UNC13B: variants seen among roughly 807,000 people sequenced by gnomAD.
UNC13B encodes the protein protein unc-13 homolog B.
UNC13B carries 144 observed loss-of-function variants against 211.0 expected under a neutral mutation model. The observed-to-expected ratio is 0.68, with a 90% CI of 0.60 to 0.78. The LOEUF is 0.78. Ranked by LOEUF, UNC13B falls within the 30% of genes least tolerant of loss-of-function variation. The probability of loss-of-function intolerance (pLI) is 0.00; values close to 1 mark genes in which losing one functional copy is unlikely to be tolerated. For synonymous variants in UNC13B, 709 were observed against 725.8 expected (o/e 0.98, Z 0.37); for missense variants, 1,777 against 2,002.0 (o/e 0.89, Z 2.14).
rs190262010 is a variant in UNC13B, at chr9:35,262,132, C to T, written c.526+3082C>T. Among the ~76,000 whole-genome samples, 194 of 152,256 alleles carry T rather than the reference C, an allele frequency of 1.3e-3. 1 individual carries two copies. The highest frequency in any genetic ancestry group is 2.0e-3 in the Admixed American group (31 of 15,290). ...GATATACTTTCATAGCCTTCCCCCGCCATGATCTAATCAATAACCATACAT... is the reference window on the plus strand; with the variant it reads ...GATATACTTTCATAGCCTTCCCCCGTCATGATCTAATCAATAACCATACAT... On this transcript the variant is annotated intron_variant, in intron 7 of 39. Coordinates refer to ENST00000635942, the MANE Select transcript of UNC13B (RefSeq NM_001371189.2).
rs1452315080 is a variant in UNC13B at position 35,399,652 on chromosome 9, C to T, written c.12259C>T (p.His4087Tyr). 6.2e-7 allele frequency: 1 copy of T among 1,614,134 alleles called. No homozygotes were observed. The highest frequency in any genetic ancestry group is 1.1e-5 in the South Asian group (1 of 91,076). Residue 4087 changes from histidine (H) to tyrosine (Y), a missense_variant, in exon 36 of 40, where the codon CAC (histidine) becomes TAC (tyrosine). His to Tyr is a moderately conservative substitution (Grantham distance 83). Coordinates refer to ENST00000635942, the MANE Select transcript of UNC13B (RefSeq NM_001371189.2). ...TGCTGCTGATTTCTCTGAACAGGAT[C>T]ACATGGTACGAGAGGAAACACGGAA... ...ELSHLSKLKD[H>Y]MVREETRNLT...
Position 35,366,965 on chromosome 9 carries a change from C to T in UNC13B, c.9433C>T (p.Pro3145Ser). ...QLQEIPDDGD[P>S]SLPQWLPEGP... Reference sequence around the variant, plus strand: ...TTTAAAGATTCCAGATGATGGTGACCCCTCTCTGCCTCAGTGGCTCCCGGA... The same window carrying T: ...TTTAAAGATTCCAGATGATGGTGACTCCTCTCTGCCTCAGTGGCTCCCGGA... Residue 3145 changes from proline to serine, a missense_variant, in exon 12 of 40, where the codon CCC (proline) becomes TCC (serine). Transcript: ENST00000635942. The T allele has an allele frequency of 3.1e-6, 5 of 1,613,902 alleles. No individual in the cohort carries two copies. The highest frequency in any genetic ancestry group is 4.2e-6 in the Non-Finnish European group (5 of 1,179,818).
chr9:35,251,013 A>G (rs1395768992), intron 6 of UNC13B, among the ~76,000 whole-genome samples: 16 of 118,120 alleles, frequency 1.4e-4, no homozygotes, highest in Non-Finnish European at 2.4e-4. Context: ...CCCAGGCTGG[A>G]GTGCAGTGGC....
Position 35,295,045 on chromosome 9 carries a change from G to A in UNC13B, c.527-651G>A, listed in dbSNP as rs1025595102. On this transcript the variant is annotated intron_variant, in intron 7 of 39. Coordinates refer to ENST00000635942, the MANE Select transcript of UNC13B (RefSeq NM_001371189.2). ...TCTGGATGGGAATTCTGAGCCTAGG[G>A]TGTAGGTGCTTGACAGGAATTGTTA... 2.8e-4 allele frequency among the ~76,000 whole-genome samples: 43 copies of A among 152,126 alleles called. 1 individual carries two copies. Among genetic ancestry groups the A allele is most frequent in the Admixed American group, 2.4e-3 (37 of 15,276 alleles).
chr9:35,246,917 G>A (rs1237453835), intron 6 of UNC13B, among the ~76,000 whole-genome samples: 2 of 152,082 alleles, frequency 1.3e-5, no homozygotes, highest in East Asian at 3.9e-4. Context: ...TGGGGGGATG[G>A]CATTGAATCT....
chr9:35,286,138 T>A (rs560387560), intron 7 of UNC13B, among the ~76,000 whole-genome samples: 6 of 152,214 alleles, frequency 3.9e-5, no homozygotes, highest in African/African-American at 1.4e-4. Flanking sequence ...ATACTAGGAA[T>A]GTCTGTTGTT....
chr9:35,265,949 C>A (rs764453414), intron 7 of UNC13B, among the ~76,000 whole-genome samples: 16 of 152,072 alleles, frequency 1.1e-4, no homozygotes, highest in Admixed American at 1.0e-3. Context: ...CCTCAGCCTC[C>A]GAGTAGCTGG....
Position 35,305,199 on chromosome 9 carries a change from C to T in UNC13B, c.5795C>T (p.Thr1932Ile), listed in dbSNP as rs897907419. 1 of 398,844 alleles carries T rather than the reference C, an allele frequency of 2.5e-6. No homozygotes were observed. The highest frequency in any genetic ancestry group is 4.4e-6 in the Non-Finnish European group (1 of 225,964). 24.7% of individuals were successfully genotyped at this position (398,844 alleles called of 1,614,324 possible). A position where few individuals can be genotyped will look rare whatever the true frequency, so the allele number is the denominator to read the frequency against. ...FSQEESSVSMTANEKQSSGFL... is the reference protein window; with the variant it reads ...FSQEESSVSMIANEKQSSGFL... Reference sequence around the variant, plus strand: ...CAAGAAGAATCGTCAGTTAGTATGACAGCAAATGAAAAACAGTCATCTGGA... The same window carrying T: ...CAAGAAGAATCGTCAGTTAGTATGATAGCAAATGAAAAACAGTCATCTGGA... Residue 1932 changes from threonine to isoleucine, a missense_variant, in exon 9 of 40, where the codon ACA becomes ATA. Thr to Ile is a moderately conservative substitution (Grantham distance 89, BLOSUM62 -1). Transcript: ENST00000635942.
chr9:35,362,959 AG>A (rs1419623757), intron 11 of UNC13B, among the ~76,000 whole-genome samples: 7 of 152,216 alleles, frequency 4.6e-5, no homozygotes, highest in Non-Finnish European at 8.8e-5. Flanking sequence ...GGTGGGCATC[AG>A]AGAAGGCTTC....
intron 7 of UNC13B, among the ~76,000 whole-genome samples, chr9:35,278,723 C>A (rs1339148982): frequency 6.6e-6 from 1 of 151,822 alleles, no homozygotes; most frequent in Non-Finnish European, 1.5e-5. Flanking sequence ...ATATTTTCCC[C>A]ATTTTATTTT....
intron 24 of UNC13B, among the ~76,000 whole-genome samples, chr9:35,387,818 T>C (rs1835280021): frequency 6.6e-6 from 1 of 152,186 alleles, no homozygotes; most frequent in South Asian, 2.1e-4. Flanking sequence ...CATGGTTTAG[T>C]GGAGGTCAGG....
chr9:35,190,549 T>TC (rs370371555), intron 1 of UNC13B, among the ~76,000 whole-genome samples: 9 of 151,644 alleles, frequency 5.9e-5, no homozygotes, highest in Non-Finnish European at 1.0e-4. Context: ...TTTTTTTTCT[T>TC]CCCCCCCTCC....
At chr9:35,397,831 A>T (rs1038501434) in intron 30 of UNC13B, 119 bp downstream of exon 30, 1 of 1,066,248 alleles carries the variant, frequency 9.4e-7, no homozygotes, top group Non-Finnish European at 1.4e-6. Context: ...GATTCCCACC[A>T]TGGCTTTGCT....
Position 35,231,324 on chromosome 9 carries a change from A to T in UNC13B, c.152+105A>T, listed in dbSNP as rs560979834. The T allele has an allele frequency of 1.2e-3, 891 of 757,208 alleles. 22 individuals carry two copies. The Admixed American group carries it at 0.017, about 14-fold the overall frequency. The allele number at this position is 757,208 out of a possible 1,614,324, so 46.9% of individuals were successfully genotyped here. A position where few individuals can be genotyped will look rare whatever the true frequency, so the allele number is the denominator to read the frequency against. ...GATTTTGTGTATTTTTGAGATTTATAAAATGTACTGGCACTGTTAAATACT... is the reference window on the plus strand; with the variant it reads ...GATTTTGTGTATTTTTGAGATTTATTAAATGTACTGGCACTGTTAAATACT... On this transcript the variant is annotated intron_variant, in intron 3 of 39. Coordinates refer to ENST00000635942, the MANE Select transcript of UNC13B (RefSeq NM_001371189.2).
chr9:35,391,858 C>G (rs954859505), intron 26 of UNC13B, among the ~76,000 whole-genome samples: 1 of 152,238 alleles, frequency 6.6e-6, no homozygotes, highest in Non-Finnish European at 1.5e-5. Context: ...AGAGGCTAGG[C>G]TCCAGGCCTC....
In UNC13B at chr9:35,295,824, C is replaced by A. The variant is rs765577061; in HGVS notation, c.655C>A (p.Pro219Thr). ...PNASVHQFPV[P>T]VRSPQQLLLQ... ...CGCTTCTGTGCACCAGTTCCCTGTG[C>A]CGGTGCGATCGCCACAGCAGCTGCT... Residue 219 changes from proline (P) to threonine (T), a missense_variant, in exon 8 of 40, where the codon CCG becomes ACG. Transcript: ENST00000635942. 1.2e-6 allele frequency: 2 copies of A among 1,614,182 alleles called. No homozygotes were observed. The highest frequency in any genetic ancestry group is 2.2e-5 in the South Asian group (2 of 91,086).
At chr9:35,339,903 C>T (rs1281018817) in intron 11 of UNC13B, among the ~76,000 whole-genome samples, 8 of 152,214 alleles carry the variant, frequency 5.3e-5, no homozygotes, top group Non-Finnish European at 8.8e-5. Context: ...GGTCCTACCT[C>T]TGGGGAATCT....
At chr9:35,175,690 T>A (rs1049151954) in intron 1 of UNC13B, among the ~76,000 whole-genome samples, 1 of 152,116 alleles carries the variant, frequency 6.6e-6, no homozygotes, top group Non-Finnish European at 1.5e-5. Context: ...AGGCTACACA[T>A]TCAGAAGTTC....
At chr9:35,184,110 C>T (rs1317624679) in intron 1 of UNC13B, among the ~76,000 whole-genome samples, 8 of 150,786 alleles carry the variant, frequency 5.3e-5, no homozygotes, top group African/African-American at 1.2e-4. Flanking sequence ...ACATCCCAGA[C>T]GATGGGCAGC....
Sources: gnomAD v4.1 joint callset for allele counts (sites outside exome capture counted in the v4.1 genomes callset) on GRCh38, gnomAD v4.1.1 for gene constraint, MANE v1.5 for transcripts, NCBI Gene and HGNC (gene_info 2026-07-23, HGNC 2026-07-21) for gene names.